Variants in DLGAP1 observed in about 807,000 individuals in gnomAD.
DLGAP1 encodes the protein DLG associated protein 1, also known as disks large-associated protein 1.
DLGAP1 carries 11 observed loss-of-function variants against 90.8 expected under a neutral mutation model. That is an observed-to-expected ratio of 0.12 (90% CI 0.08 to 0.20). DLGAP1 has a LOEUF of 0.20. Ranked by LOEUF, DLGAP1 falls within the 10% of genes least tolerant of loss-of-function variation. The pLI is 1.00. For missense variants in DLGAP1, 1,050 were observed against 1,333.8 expected (o/e 0.79, Z 3.31); for synonymous variants, 558 against 540.7 (o/e 1.03, Z -0.44).
At chr18:4,180,026 C>A (rs879841593) in intron 1 of DLGAP1, among the ~76,000 whole-genome samples, 24 of 152,168 alleles carry the variant, frequency 1.6e-4, no homozygotes, top group Non-Finnish European at 7.4e-5. Flanking sequence ...TTGGACTTTA[C>A]TGACAGGCAA....
intron 1 of DLGAP1, among the ~76,000 whole-genome samples, chr18:4,402,474 C>T (rs1170186826): frequency 6.6e-6 from 1 of 152,110 alleles, no homozygotes. Context: ...GCCTTATTTG[C>T]TCTTCAAGAA....
chr18:3,914,568 G>T (rs1228184476), intron 3 of DLGAP1, among the ~76,000 whole-genome samples: 1 of 152,016 alleles, frequency 6.6e-6, no homozygotes, highest in African/African-American at 2.4e-5. Flanking sequence ...TTGGAAGTTG[G>T]ATATATCCTT....
At chr18:4,313,654 A>C (rs1250739983) in intron 1 of DLGAP1, among the ~76,000 whole-genome samples, 1 of 152,184 alleles carries the variant, frequency 6.6e-6, no homozygotes, top group Non-Finnish European at 1.5e-5. Context: ...CATTTCTGAG[A>C]TAAAAAATGA....
At chr18:3,656,338 C>A (rs1014630808) in intron 7 of DLGAP1, 4 of 472,784 alleles carry the variant, frequency 8.5e-6, no homozygotes, top group Non-Finnish European at 1.5e-5. Flanking sequence ...GGAAATTTTT[C>A]ACTAAAAATG....
chr18:4,294,605 C>G (rs2079930397), intron 1 of DLGAP1: 1 of 152,256 alleles, frequency 6.6e-6, no homozygotes, highest in African/African-American at 2.4e-5. Context: ...CTGTGATTCC[C>G]AAAACCCAAG....
intron 9 of DLGAP1, among the ~76,000 whole-genome samples, chr18:3,539,725 G>A (rs2144598494): frequency 6.6e-6 from 1 of 152,278 alleles, no homozygotes. Flanking sequence ...AAAAGAAATT[G>A]TGCACAAAAA....
chr18:4,425,304 A>T (rs370289509), intron 1 of DLGAP1, among the ~76,000 whole-genome samples: 1 of 146,130 alleles, frequency 6.8e-6, no homozygotes, highest in Admixed American at 7.2e-5. Flanking sequence ...TTTGGTCTGA[A>T]GTTGGATACT....
At chr18:3,731,858 G>T (rs1000038468) in intron 6 of DLGAP1, among the ~76,000 whole-genome samples, 3 of 152,022 alleles carry the variant, frequency 2.0e-5, no homozygotes, top group African/African-American at 7.3e-5. Flanking sequence ...AGATCAAGAA[G>T]CAAAACTTTT....
intron 5 of DLGAP1, among the ~76,000 whole-genome samples, chr18:3,774,905 C>A (rs923858388): frequency 3.9e-5 from 6 of 152,104 alleles, no homozygotes; most frequent in Admixed American, 3.3e-4. Context: ...AAGAAAACAA[C>A]CACCCCCTTC....
chr18:3,715,371 C>T (rs894747732), intron 7 of DLGAP1, among the ~76,000 whole-genome samples: 10 of 152,220 alleles, frequency 6.6e-5, no homozygotes, highest in Non-Finnish European at 8.8e-5. Context: ...CACCAGCTAA[C>T]TCAGTAGCAC....
chr18:4,380,441 A>C (rs1414931787), intron 1 of DLGAP1, among the ~76,000 whole-genome samples: 2 of 152,168 alleles, frequency 1.3e-5, no homozygotes, highest in Non-Finnish European at 2.9e-5. Context: ...TCATAGAAGA[A>C]AGGGAGTCAG....
At chr18:4,365,007 T>A (rs2081729516) in intron 1 of DLGAP1, among the ~76,000 whole-genome samples, 1 of 152,200 alleles carries the variant, frequency 6.6e-6, no homozygotes, top group Admixed American at 6.5e-5. Context: ...TTGATTGTGC[T>A]GTGGTTCAAG....
chr18:4,053,705 G>T (rs2143132903), intron 2 of DLGAP1, among the ~76,000 whole-genome samples: 1 of 152,220 alleles, frequency 6.6e-6, no homozygotes, highest in East Asian at 1.9e-4. Flanking sequence ...TGTACAGCCT[G>T]CAGAACCGTG....
intron 5 of DLGAP1, among the ~76,000 whole-genome samples, chr18:3,767,743 A>C (rs933339228): frequency 9.2e-5 from 14 of 152,154 alleles, no homozygotes; most frequent in Admixed American, 6.5e-4. Flanking sequence ...TAAAAAGTCT[A>C]AGAAAAATAG....
chr18:3,749,062 T>C (rs1404190241), intron 5 of DLGAP1, among the ~76,000 whole-genome samples: 4 of 152,034 alleles, frequency 2.6e-5, no homozygotes, highest in African/African-American at 9.7e-5. Context: ...CAATGGAAAC[T>C]TGGCCTTTTA....
chr18:3,912,964 G>A (rs2148898503), intron 3 of DLGAP1, among the ~76,000 whole-genome samples: 1 of 152,238 alleles, frequency 6.6e-6, no homozygotes, highest in South Asian at 2.1e-4. Context: ...GCCCTTTGGT[G>A]TAAGTTTTTG....
In DLGAP1 at chr18:4,387,923, T is replaced by TCTCACA. The variant is rs766869482; in HGVS notation, c.-267+67082_-267+67083insTGTGAG. Among the ~76,000 whole-genome samples, 161 of 33,680 alleles carry TCTCACA rather than the reference T, an allele frequency of 4.8e-3. 3 individuals carry two copies. The East Asian group carries it at 0.074, about 15-fold the overall frequency. The allele number at this position is 33,680 out of a possible 152,430, so 22.1% of individuals were successfully genotyped here. ...TCCAGCCTGGGTGACAGAGACTCCATCACACATACACACACACACACACAC... is the reference window on the plus strand; with the variant it reads ...TCCAGCCTGGGTGACAGAGACTCCATCTCACACACACATACACACACACACACACAC... On this transcript the variant is annotated intron_variant, in intron 1 of 12. Transcript: ENST00000315677.
At chr18:3,782,161 G>C (rs868231347) in intron 5 of DLGAP1, among the ~76,000 whole-genome samples, 1 of 148,996 alleles carries the variant, frequency 6.7e-6, no homozygotes, top group East Asian at 2.0e-4. Context: ...TTTTTGGACA[G>C]AGCCTTGTTC....
chr18:4,043,062 AG>A (rs1254322065), intron 2 of DLGAP1, among the ~76,000 whole-genome samples: 15 of 152,352 alleles, frequency 9.8e-5, no homozygotes, highest in African/African-American at 3.6e-4. Flanking sequence ...GACGTAATTT[AG>A]GTTTTAAATT....
Sources: gnomAD v4.1 joint callset for allele counts (sites outside exome capture counted in the v4.1 genomes callset) on GRCh38, gnomAD v4.1.1 for gene constraint, MANE v1.5 for transcripts, NCBI Gene and HGNC (gene_info 2026-07-23, HGNC 2026-07-21) for gene names.